NEK10: variants seen among roughly 807,000 people sequenced by gnomAD.
The protein encoded by NEK10 is NIMA related kinase 10.
NEK10 carries 122 observed loss-of-function variants against 159.8 expected under a neutral mutation model. That is an observed-to-expected ratio of 0.76 (90% CI 0.66 to 0.89). The LOEUF (loss-of-function observed/expected upper bound fraction) is 0.89. Among genes scored for constraint, NEK10 ranks in the 40% least tolerant of loss-of-function variants. The probability of loss-of-function intolerance (pLI) is 0.00; values close to 1 mark genes in which losing one functional copy is unlikely to be tolerated. For missense variants in NEK10, 1,342 were observed against 1,323.1 expected (o/e 1.01, Z -0.22); for synonymous variants, 466 against 457.1 (o/e 1.02, Z -0.25).
At chr3:27,159,566 T>G (rs771304604) in intron 30 of NEK10, among the ~76,000 whole-genome samples, 5 of 152,148 alleles carry the variant, frequency 3.3e-5, no homozygotes, top group Non-Finnish European at 7.4e-5. Context: ...GTTATTCATA[T>G]TAATTACTGG....
intron 22 of NEK10, among the ~76,000 whole-genome samples, chr3:27,275,345 T>C (rs1018360070): frequency 6.6e-6 from 1 of 152,230 alleles, no homozygotes; most frequent in African/African-American, 2.4e-5. Context: ...TTCCTTTTTA[T>C]GTTATGAGAC....
intron 22 of NEK10, among the ~76,000 whole-genome samples, chr3:27,270,741 C>T (rs968529783): frequency 3.9e-5 from 6 of 152,060 alleles, no homozygotes; most frequent in Non-Finnish European, 7.4e-5. Flanking sequence ...TGTCCATTTA[C>T]TCATTTGTCA....
chr3:27,277,746 T>C (rs561786281), intron 22 of NEK10, among the ~76,000 whole-genome samples: 76 of 152,348 alleles, frequency 5.0e-4, no homozygotes, highest in African/African-American at 1.8e-3. Flanking sequence ...TATTCACTCA[T>C]ATTCTCTCGG....
intron 7 of NEK10, among the ~76,000 whole-genome samples, chr3:27,312,454 G>A (rs556728806): frequency 7.9e-5 from 12 of 152,230 alleles, no homozygotes; most frequent in East Asian, 7.7e-4. Flanking sequence ...AACTAAGTAA[G>A]TTTGTTGTGT....
rs117452270 is a variant in NEK10, at chr3:27,186,349, C to T, written c.2505+5680G>A. Among the ~76,000 whole-genome samples the T allele has an allele frequency of 5.3e-4, 81 of 152,184 alleles. 2 individuals carry two copies. The East Asian group carries it at 0.012, about 22-fold the overall frequency. ...CAGGAGAAGACAGGGGAAAAGAATA[C>T]CTGGAGAAAAAGAAGGATATAATAG... On this transcript the variant is annotated intron_variant, in intron 26 of 35. Transcript: ENST00000691995.
At chr3:27,293,513 G>C in intron 16 of NEK10, 75 bp downstream of exon 16, 1 of 720,656 alleles carries the variant, frequency 1.4e-6, no homozygotes, top group South Asian at 2.0e-5. Flanking sequence ...TTGCATCTAA[G>C]CCAAGTATGT....
At chr3:27,336,199 C>A (rs2046790179) in intron 5 of NEK10, among the ~76,000 whole-genome samples, 1 of 151,992 alleles carries the variant, frequency 6.6e-6, no homozygotes, top group Admixed American at 6.6e-5. Flanking sequence ...TACAAAAGAT[C>A]ATCAGAGACT....
intron 30 of NEK10, among the ~76,000 whole-genome samples, chr3:27,151,229 G>A (rs1455240766): frequency 6.6e-6 from 1 of 152,062 alleles, no homozygotes; most frequent in East Asian, 1.9e-4. Flanking sequence ...AACCACCAAA[G>A]AACCCTTATG....
intron 19 of NEK10, among the ~76,000 whole-genome samples, chr3:27,290,409 C>G (rs1219746694): frequency 6.6e-6 from 1 of 152,168 alleles, no homozygotes; most frequent in Non-Finnish European, 1.5e-5. Context: ...TGTTTTGCAT[C>G]CATGACCCTG....
intron 25 of NEK10, among the ~76,000 whole-genome samples, chr3:27,196,808 A>C (rs975672689): frequency 1.3e-5 from 2 of 152,208 alleles, no homozygotes; most frequent in African/African-American, 4.8e-5. Flanking sequence ...TTGTCTTGAC[A>C]CCTCTGACGA....
chr3:27,128,993 A>G (rs894771047), intron 32 of NEK10, among the ~76,000 whole-genome samples: 1 of 152,280 alleles, frequency 6.6e-6, no homozygotes, highest in Middle Eastern at 3.4e-3. Flanking sequence ...GAGATTTATC[A>G]TGAACTCATA....
rs9834868 is a variant in NEK10 at position 27,110,328 on chromosome 3, C to T, written c.*944G>A. The stretch of plus-strand genomic sequence containing the variant: ...GTTTGGCATTCTGATTTCACTTCCA[C>T]TGAGCTGCCTCAATGAGTAAAAAAG... On this transcript the variant is annotated 3_prime_UTR_variant, in exon 36 of 36. Coordinates refer to ENST00000691995, the MANE Select transcript of NEK10 (RefSeq NM_001394966.1). 150,485 of 152,278 alleles carry T rather than the reference C, an allele frequency of 0.99. 74,357 individuals are homozygous for T. Among genetic ancestry groups the T allele is most frequent in the East Asian group, 1 (5,172 of 5,172 alleles). 9.4% of individuals were successfully genotyped at this position (152,278 alleles called of 1,614,324 possible).
rs149407543 is a variant in NEK10, at chr3:27,314,901, G to A, written c.448-563C>T. 1.1e-3 allele frequency among the ~76,000 whole-genome samples: 174 copies of A among 152,254 alleles called. 2 individuals carry two copies. The highest frequency in any genetic ancestry group is 4.6e-3 in the East Asian group (24 of 5,178). On this transcript the variant is annotated intron_variant, in intron 6 of 35. Transcript: ENST00000691995. ...AACAAGATCTCCAGGTCATACGTAC[G>A]TACAGTACAGTTTGGGAAGCATTGC...
chr3:27,157,912 T>G (rs1177890629), intron 30 of NEK10, among the ~76,000 whole-genome samples: 2 of 152,208 alleles, frequency 1.3e-5, no homozygotes, highest in African/African-American at 4.8e-5. Flanking sequence ...GATTATGTCT[T>G]GTTAAAAGTC....
intron 23 of NEK10, among the ~76,000 whole-genome samples, chr3:27,222,373 A>AAAAAC (rs1229038994): frequency 1.3e-5 from 2 of 152,262 alleles, no homozygotes; most frequent in Non-Finnish European, 2.9e-5. Flanking sequence ...TCCGTCTCAA[A>AAAAAC]AAAACAAAAC....
rs1027681445 is a variant in NEK10, at chr3:27,107,189, T to G, written c.*4083A>C. ...TTTTAGGGTACGTGATCTTCATTTT[T>G]AAAAACAACTATTGCCCATGAACTC... On this transcript the variant is annotated 3_prime_UTR_variant, in exon 36 of 36. Transcript: ENST00000691995. Among the ~76,000 whole-genome samples, 2 of 152,102 alleles carry G rather than the reference T, an allele frequency of 1.3e-5. No homozygotes were observed.
chr3:27,147,325 T>A (rs939839), intron 30 of NEK10, among the ~76,000 whole-genome samples: 2,770 of 152,254 alleles, frequency 0.018, 50 homozygotes, highest in African/African-American at 0.046. Context: ...GAGGATATGA[T>A]GCATGGACAA....
chr3:27,291,765 C>G (rs552122792), intron 16 of NEK10, among the ~76,000 whole-genome samples, 179 bp from the exon 17 acceptor site: 5 of 152,172 alleles, frequency 3.3e-5, no homozygotes, highest in Non-Finnish European at 5.9e-5. Context: ...GCCTCAGCCT[C>G]CCAAGTAGCT....
At chr3:27,330,720 G>C (rs1462448716) in intron 5 of NEK10, among the ~76,000 whole-genome samples, 1 of 152,092 alleles carries the variant, frequency 6.6e-6, no homozygotes, top group Admixed American at 6.5e-5. Flanking sequence ...AGACTATAAA[G>C]AGGTGGAGAC....
Sources: gnomAD v4.1 joint callset for allele counts (sites outside exome capture counted in the v4.1 genomes callset) on GRCh38, gnomAD v4.1.1 for gene constraint, MANE v1.5 for transcripts, NCBI Gene and HGNC (gene_info 2026-07-23, HGNC 2026-07-21) for gene names.